Variants in AUTS2 observed in about 807,000 individuals in gnomAD.
AUTS2 encodes the protein activator of transcription and developmental regulator AUTS2, also known as autism susceptibility gene 2 protein.
A neutral mutation model predicts 112.4 loss-of-function variants in AUTS2; 17 were observed. The ratio of observed to expected loss-of-function variants is 0.15; its 90% CI spans 0.10 to 0.23. The LOEUF (loss-of-function observed/expected upper bound fraction) is 0.23. Among genes scored for constraint, AUTS2 ranks in the 10% least tolerant of loss-of-function variants. The probability of loss-of-function intolerance (pLI) is 1.00; values close to 1 mark genes in which losing one functional copy is unlikely to be tolerated. For synonymous variants in AUTS2, 751 were observed against 702.7 expected (o/e 1.07, Z -1.09); for missense variants, 1,510 against 1,701.6 (o/e 0.89, Z 1.98).
intron 1 of AUTS2, among the ~76,000 whole-genome samples, chr7:69,726,035 CT>C (rs980216809): frequency 1.2e-3 from 180 of 151,950 alleles, no homozygotes; most frequent in African/African-American, 4.2e-3. Context: ...ACCTGGGGAT[CT>C]TTTTTTTAGG....
intron 5 of AUTS2, among the ~76,000 whole-genome samples, chr7:70,472,392 G>A (rs989952720): frequency 3.4e-5 from 5 of 147,066 alleles, no homozygotes; most frequent in Non-Finnish European, 7.4e-5. Context: ...TCCCAGTACC[G>A]TAACTTATAA....
chr7:69,601,211 A>G (rs1792388480), intron 1 of AUTS2, among the ~76,000 whole-genome samples: 1 of 152,120 alleles, frequency 6.6e-6, no homozygotes, highest in Non-Finnish European at 1.5e-5. Context: ...GCACAAAACC[A>G]AGATACGGTT....
At chr7:70,684,536 T>C (rs1320980132) in intron 5 of AUTS2, among the ~76,000 whole-genome samples, 3 of 149,846 alleles carry the variant, frequency 2.0e-5, no homozygotes, top group Non-Finnish European at 4.4e-5. Flanking sequence ...TGGCGTGATG[T>C]GGTGTGGTGT....
chr7:69,626,476 A>C (rs190050302), intron 1 of AUTS2, among the ~76,000 whole-genome samples: 2 of 152,220 alleles, frequency 1.3e-5, no homozygotes, highest in African/African-American at 2.4e-5. Context: ...AGGGCTTGGG[A>C]TGCTCTTGAT....
At chr7:70,683,933 G>GA (rs1442907321) in intron 5 of AUTS2, among the ~76,000 whole-genome samples, 2 of 152,178 alleles carry the variant, frequency 1.3e-5, no homozygotes, top group African/African-American at 4.8e-5. Context: ...GAGCAAGAGG[G>GA]AAAATCAGAA....
chr7:70,003,411 A>G (rs1428263969), intron 2 of AUTS2, among the ~76,000 whole-genome samples: 1 of 125,424 alleles, frequency 8.0e-6, no homozygotes, highest in African/African-American at 3.2e-5. Context: ...TATAATATAT[A>G]TGAATATGTT....
intron 1 of AUTS2, among the ~76,000 whole-genome samples, chr7:69,865,159 G>A (rs151233998): frequency 0.03 from 4,504 of 150,366 alleles, 82 homozygotes; most frequent in Middle Eastern, 0.12. Context: ...TCTGTGCACT[G>A]CTTTGCTTGA....
chr7:69,634,555 A>C (rs1794429807), intron 1 of AUTS2, among the ~76,000 whole-genome samples: 1 of 152,202 alleles, frequency 6.6e-6, no homozygotes, highest in Admixed American at 6.5e-5. Flanking sequence ...GTCAACAGTT[A>C]TCTTGAAAAT....
intron 2 of AUTS2, among the ~76,000 whole-genome samples, chr7:69,934,110 A>G (rs1377467680): frequency 8.5e-5 from 13 of 152,356 alleles, no homozygotes; most frequent in Non-Finnish European, 7.3e-5. Flanking sequence ...CGAAACTCAT[A>G]TAACCTTGTT....
chr7:70,577,096 A>G (rs1033118892), intron 5 of AUTS2, among the ~76,000 whole-genome samples: 1 of 152,244 alleles, frequency 6.6e-6, no homozygotes, highest in Non-Finnish European at 1.5e-5. Context: ...AGAAAAAAAT[A>G]TTATTTAGTG....
chr7:70,532,321 ATC>A (rs1385675288), intron 5 of AUTS2, among the ~76,000 whole-genome samples: 1 of 152,154 alleles, frequency 6.6e-6, no homozygotes, highest in Non-Finnish European at 1.5e-5. Context: ...TACTTCAACA[ATC>A]TCTGCAAAGA....
At chr7:69,673,559 A>G (rs537181452) in intron 1 of AUTS2, among the ~76,000 whole-genome samples, 1 of 152,352 alleles carries the variant, frequency 6.6e-6, no homozygotes, top group East Asian at 1.9e-4. Flanking sequence ...ACCAATGTCC[A>G]TGGGCAAGTT....
At chr7:70,524,787 A>G (rs1417960215) in intron 5 of AUTS2, among the ~76,000 whole-genome samples, 4 of 152,256 alleles carry the variant, frequency 2.6e-5, no homozygotes, top group Non-Finnish European at 5.9e-5. Flanking sequence ...ATTGATTAAC[A>G]TCAATAGGAA....
chr7:69,857,427 G>T (rs533895699), intron 1 of AUTS2, among the ~76,000 whole-genome samples: 1 of 152,100 alleles, frequency 6.6e-6, no homozygotes, highest in Non-Finnish European at 1.5e-5. Context: ...TCTGGCATTC[G>T]ACCTGCCTGC....
intron 2 of AUTS2, among the ~76,000 whole-genome samples, chr7:69,972,433 T>G (rs1797885675): frequency 6.6e-6 from 1 of 152,202 alleles, no homozygotes; most frequent in Admixed American, 6.5e-5. Context: ...AGAGTCTTCC[T>G]CAGAGTAGAA....
intron 5 of AUTS2, among the ~76,000 whole-genome samples, chr7:70,456,689 C>CCATCCCA (rs1312421706): frequency 6.6e-6 from 1 of 152,230 alleles, no homozygotes; most frequent in Non-Finnish European, 1.5e-5. Context: ...CACAACTGGG[C>CCATCCCA]CATCCCAGCC....
At chr7:70,164,230 AGTT>A (rs1562754158) in intron 4 of AUTS2, among the ~76,000 whole-genome samples, 3 of 152,202 alleles carry the variant, frequency 2.0e-5, no homozygotes, top group African/African-American at 4.8e-5. Flanking sequence ...TGTAAGATGT[AGTT>A]GTTATAAGTA....
intron 5 of AUTS2, among the ~76,000 whole-genome samples, chr7:70,600,700 C>A (rs2129529854): frequency 1.3e-5 from 2 of 152,350 alleles, no homozygotes; most frequent in East Asian, 3.9e-4. Flanking sequence ...ACTCTCTGCA[C>A]CCCCTCCCAA....
intron 1 of AUTS2, among the ~76,000 whole-genome samples, chr7:69,700,040 C>T (rs1797739297): frequency 6.6e-6 from 1 of 152,142 alleles, no homozygotes; most frequent in Non-Finnish European, 1.5e-5. Context: ...TTTTGATAGT[C>T]ACTGCTAAAT....
Sources: allele counts gnomAD v4.1 joint callset (sites outside exome capture counted in the v4.1 genomes callset), GRCh38; gene constraint gnomAD v4.1.1; transcripts MANE v1.5; gene names NCBI Gene and HGNC (gene_info 2026-07-23, HGNC 2026-07-21).